Variants in CRTC2 observed in about 807,000 individuals in gnomAD.
CRTC2 encodes the protein CREB-regulated transcription coactivator 2.
In CRTC2, 25 loss-of-function variants were observed where a neutral mutation model predicts 70.9. The ratio of observed to expected loss-of-function variants is 0.35; its 90% CI spans 0.26 to 0.49. The LOEUF is 0.49. CRTC2 is among the 20% of genes least tolerant of loss of function. CRTC2 has a pLI of 0.98. For synonymous variants in CRTC2, 330 were observed against 364.1 expected (o/e 0.91, Z 1.07); for missense variants, 737 against 882.6 (o/e 0.83, Z 2.09).
intron 3 of CRTC2, 111 bp from the exon 4 acceptor site, chr1:153,954,427 TC>T: frequency 1.3e-6 from 1 of 758,642 alleles, no homozygotes; most frequent in Non-Finnish European, 2.3e-6. Flanking sequence ...CATACCTTTC[TC>T]CTCTTCTATA....
chr1:153,948,659 A>C lies in CRTC2; in HGVS notation c.1675-15T>G. On this transcript the variant is annotated splice_polypyrimidine_tract_variant and intron_variant, in intron 12 of 13. Transcript: ENST00000368633. ...AACTGCTCCAGCTATAGACATACAG[A>C]CAAATCTTTAGGAAGTAGGATTTAG... is the stretch of plus-strand genomic sequence containing the variant. The C allele has an allele frequency of 6.4e-7, 1 of 1,569,190 alleles. No individual in the cohort carries two copies. The highest frequency in any genetic ancestry group is 8.6e-7 in the Non-Finnish European group (1 of 1,158,462).
rs1680094465 is a variant in CRTC2 at position 153,947,860 on chromosome 1, C to A, written c.*249G>T. On this transcript the variant is annotated 3_prime_UTR_variant, in exon 14 of 14. Coordinates refer to ENST00000368633, the MANE Select transcript of CRTC2 (RefSeq NM_181715.3). ...CCCCTGCTTTCCAACAGGCTCTGAC[C>A]TCCAGACAGACGGTTCAAAGTTACA... 1.8e-6 allele frequency: 1 copy of A among 549,074 alleles called. No homozygotes were observed. The highest frequency in any genetic ancestry group is 3.3e-6 in the Non-Finnish European group (1 of 305,552). The allele number at this position is 549,074 out of a possible 1,614,324, so 34.0% of individuals were successfully genotyped here.
chr1:153,953,530 G>A lies in CRTC2; in HGVS notation c.503+8C>T, dbSNP rs182157068. The A allele has an allele frequency of 1.2e-5, 20 of 1,609,578 alleles. No individual in the cohort carries two copies. The East Asian group carries it at 3.4e-4, about 27-fold the overall frequency. ...GAGATCTGGCCTAAAGAAGGCAAAA[G>A]CCATCACCTGTTAAGTGCAGATGGT... is the stretch of plus-strand genomic sequence containing the variant. On this transcript the variant is annotated splice_region_variant and intron_variant, in intron 5 of 13. Coordinates refer to ENST00000368633, the MANE Select transcript of CRTC2 (RefSeq NM_181715.3).
At chr1:153,950,844 A>T (rs1209158691) in intron 11 of CRTC2, among the ~76,000 whole-genome samples, 2 of 152,210 alleles carry the variant, frequency 1.3e-5, no homozygotes, top group Non-Finnish European at 2.9e-5. Flanking sequence ...TATAAAACAG[A>T]CAGGAACAGA....
At chr1:153,957,056 A>G (rs1185699012) in intron 1 of CRTC2, among the ~76,000 whole-genome samples, 3 of 152,106 alleles carry the variant, frequency 2.0e-5, no homozygotes, top group African/African-American at 7.3e-5. Flanking sequence ...ACAGTTAGAT[A>G]ATAATCCTCA....
intron 11 of CRTC2, among the ~76,000 whole-genome samples, chr1:153,949,678 G>A (rs528458205): frequency 2.4e-4 from 36 of 152,128 alleles, no homozygotes; most frequent in Admixed American, 6.5e-5. Flanking sequence ...GTGAAACCCC[G>A]TCTCTACTAA....
At position 153,951,642 on chromosome 1, in the gene CRTC2, G is replaced by A. The variant is rs556591709; in HGVS notation, c.1022C>T (p.Pro341Leu). 4 of 1,613,628 alleles carry A rather than the reference G, an allele frequency of 2.5e-6. No homozygotes were observed. In the South Asian group the frequency reaches 3.3e-5, roughly 13 times the overall value. The change falls in exon 11 of 14, where the codon CCA becomes CTA. Residue 341 changes from proline (P) to leucine (L), a missense_variant. Pro to Leu is a moderately conservative substitution (Grantham distance 98). Around this residue, in one of 3 missense-constraint regions of CRTC2, gnomAD observed 699 missense variants for 823.7 expected, o/e 0.85. Transcript: ENST00000368633. ...APGLHSPLSH[P>L]SLQSSLSNPN... ...ATTGCTTAGGGAGGACTGCAGGGATGGGTGGCTGAGAGGTGAATGAAGTCC... is the reference window on the plus strand; with the variant it reads ...ATTGCTTAGGGAGGACTGCAGGGATAGGTGGCTGAGAGGTGAATGAAGTCC...
At position 153,951,350 on chromosome 1, in the gene CRTC2, G is replaced by A. The variant is rs149147178; in HGVS notation, c.1314C>T (p.Leu438=). Residue 438 remains leucine, a synonymous_variant, in exon 11 of 14, where the codon CTC becomes CTT. Coordinates refer to ENST00000368633, the MANE Select transcript of CRTC2 (RefSeq NM_181715.3). Reference sequence around the variant, plus strand: ...ACCTTCTGGCGTCGGCTGGGCCCGCGAGCAAACTCAGGGGGCTGAGGGGCA... The same window carrying A: ...ACCTTCTGGCGTCGGCTGGGCCCGCAAGCAAACTCAGGGGGCTGAGGGGCA... ...RRVPLSPLSL[L]AGPADARRSQ... 5.5e-5 allele frequency: 89 copies of A among 1,613,592 alleles called. No individual in the cohort carries two copies. Among genetic ancestry groups the A allele is most frequent in the Admixed American group, 3.0e-4 (18 of 59,912 alleles).
rs1207871792 is a variant in CRTC2, at chr1:153,948,618, T to C, written c.1701A>G (p.Pro567=). ...GGGGATCCAGCACCAGGCTGGCTGATGGGCTCTCCATGCTGAACTGCTCCA... is the reference window on the plus strand; with the variant it reads ...GGGGATCCAGCACCAGGCTGGCTGACGGGCTCTCCATGCTGAACTGCTCCA... ...GNLEQFSMES[P]SASLVLDPPG... is the part of the protein sequence containing the mutation. The change falls in exon 13 of 14, where the codon CCA becomes CCG. Residue 567 remains proline (P), a synonymous_variant. Transcript: ENST00000368633. 1.3e-6 allele frequency: 2 copies of C among 1,592,854 alleles called. No individual in the cohort carries two copies. Among genetic ancestry groups the C allele is most frequent in the Non-Finnish European group, 1.7e-6 (2 of 1,171,432 alleles).
intron 11 of CRTC2, among the ~76,000 whole-genome samples, chr1:153,950,133 T>C (rs760575006): frequency 2.1e-4 from 32 of 152,208 alleles, no homozygotes; most frequent in African/African-American, 7.7e-4. Flanking sequence ...GGTCTCACCA[T>C]ATTGACCAGG....
chr1:153,948,995 TC>T, intron 12 of CRTC2, 119 bp downstream of exon 12: 1 of 1,130,874 alleles, frequency 8.8e-7, no homozygotes, highest in Non-Finnish European at 1.3e-6. Flanking sequence ...AGAGGAGATC[TC>T]CCCACCACCC....
intron 11 of CRTC2, among the ~76,000 whole-genome samples, chr1:153,950,424 C>G (rs1680260647): frequency 6.6e-6 from 1 of 152,082 alleles, no homozygotes; most frequent in Non-Finnish European, 1.5e-5. Flanking sequence ...GTCTTTCCTA[C>G]AAAAGAGGGG....
chr1:153,951,427 C>G lies in CRTC2; in HGVS notation c.1237G>C (p.Ala413Pro). ...SSSTSSPVLG[A>P]PSYPASTPGA... The stretch of plus-strand genomic sequence containing the variant: ...GGGGTAGAAGCAGGGTAAGAGGGGG[C>G]GCCCAAAACAGGAGATGAAGTGGAG... The change falls in exon 11 of 14, where the codon GCC becomes CCC. Residue 413 changes from alanine (A) to proline (P), a missense_variant. Around this residue, in one of 3 missense-constraint regions of CRTC2, gnomAD observed 699 missense variants for 823.7 expected, o/e 0.85. Transcript: ENST00000368633. 1.2e-6 allele frequency: 2 copies of G among 1,601,864 alleles called. No homozygotes were observed. The highest frequency in any genetic ancestry group is 1.7e-6 in the Non-Finnish European group (2 of 1,173,786).
At chr1:153,952,999 T>G (rs1226880153) in intron 6 of CRTC2, 165 bp from the exon 7 acceptor site, 1 of 826,562 alleles carries the variant, frequency 1.2e-6, no homozygotes, top group Non-Finnish European at 2.0e-6. Context: ...CTGGCCAAGA[T>G]GGTGAAACCC....
At chr1:153,949,087 C>T in intron 12 of CRTC2, 28 bp downstream of exon 12, 1 of 1,597,996 alleles carries the variant, frequency 6.3e-7, no homozygotes, top group Non-Finnish European at 8.5e-7. Flanking sequence ...CACTCCCCTG[C>T]TTTTGAGCAA....
At chr1:153,955,344 G>T (rs1571082245) in intron 1 of CRTC2, among the ~76,000 whole-genome samples, 178 bp from the exon 2 acceptor site, 1 of 151,974 alleles carries the variant, frequency 6.6e-6, no homozygotes, top group South Asian at 2.1e-4. Flanking sequence ...GAGGCAGGCG[G>T]ATCACAAGGT....
At chr1:153,949,411 T>A (rs771985189) in intron 11 of CRTC2, 27 bp from the exon 12 acceptor site, 125 of 1,582,832 alleles carry the variant, frequency 7.9e-5, no homozygotes, top group Non-Finnish European at 1.1e-4. Flanking sequence ...AGAGGGAAGC[T>A]TACTGCTCAG....
rs540970494 is a variant in CRTC2, at chr1:153,955,055, G to T, written c.255+10C>A. ...GAAACTCCACTCCTCCCTGGCTGGG[G>T]TCTACTCACCTGGAACTCGGCCAGG... On this transcript the variant is annotated intron_variant, in intron 2 of 13. Coordinates refer to ENST00000368633, the MANE Select transcript of CRTC2 (RefSeq NM_181715.3). 1.1e-5 allele frequency: 17 copies of T among 1,613,632 alleles called. No homozygotes were observed. Among genetic ancestry groups the T allele is most frequent in the Admixed American group, 3.3e-5 (2 of 59,992 alleles).
chr1:153,951,680 C>CA lies in CRTC2; in HGVS notation c.998-15dup, dbSNP rs748759162. 1 of 1,609,452 alleles carries CA rather than the reference C, an allele frequency of 6.2e-7. No homozygotes were observed. The highest frequency in any genetic ancestry group is 8.5e-7 in the Non-Finnish European group (1 of 1,178,160). On this transcript the variant is annotated splice_polypyrimidine_tract_variant and intron_variant, in intron 10 of 13. Transcript: ENST00000368633. ...GTGAATGAAGTCCTGCAGGCACAGA[C>CA]AAAAAACCAGAGATGCCAACATTAC...
Sources: gnomAD v4.1 joint callset for allele counts (sites outside exome capture counted in the v4.1 genomes callset) on GRCh38, gnomAD v4.1.1 for gene constraint, gnomAD v4.1.1 regional missense constraint, MANE v1.5 for transcripts, NCBI Gene and HGNC (gene_info 2026-07-23, HGNC 2026-07-21) for gene names.